The following PHACTR3 variants were observed in gnomAD, a reference collection of about 807,000 sequenced individuals.
PHACTR3 encodes the protein protein phosphatase 1, regulatory subunit 123.
Under a neutral mutation model 66.8 loss-of-function variants are expected in PHACTR3, and 16 were observed. The ratio of observed to expected loss-of-function variants is 0.24; its 90% confidence interval spans 0.16 to 0.36. The LOEUF (loss-of-function observed/expected upper bound fraction) is 0.36, where lower values mean the gene tolerates loss of function less well. PHACTR3 is among the 10% of genes least tolerant of loss of function. The pLI is 1.00. For synonymous variants in PHACTR3, 323 were observed against 292.1 expected (o/e 1.11, Z -1.08); for missense variants, 647 against 719.9 (o/e 0.90, Z 1.16).
intron 8 of PHACTR3, among the ~76,000 whole-genome samples, chr20:59,815,090 C>A (rs1214657252): frequency 6.6e-6 from 1 of 152,138 alleles, no homozygotes; most frequent in Non-Finnish European, 1.5e-5. Flanking sequence ...GTTCAGGGAA[C>A]CCTCGACTCG....
At position 59,773,427 on chromosome 20, in the gene PHACTR3, G is replaced by A. The variant is rs149640035; in HGVS notation, c.900G>A (p.Ala300=). The A allele has an allele frequency of 1.2e-3, 1,865 of 1,612,940 alleles. 8 individuals carry two copies. The African/African-American group carries it at 0.013, about 11-fold the overall frequency. Residue 300 remains alanine (A), a synonymous_variant, in exon 6 of 13, where the codon GCG becomes GCA. Transcript: ENST00000371015. ...GCGTCATTGAGGAGCTGCACAGGGC[G>A]CTGGCCACGAAGCACCGCCAGGACA... ...PSRVIEELHR[A]LATKHRQDSF...
At chr20:59,728,084 G>T (rs2038629323) in intron 1 of PHACTR3, among the ~76,000 whole-genome samples, 1 of 152,208 alleles carries the variant, frequency 6.6e-6, no homozygotes, top group African/African-American at 2.4e-5. Context: ...GTGGCATTTA[G>T]TACATTCATG....
chr20:59,758,766 T>A (rs947223132), intron 4 of PHACTR3, among the ~76,000 whole-genome samples: 1 of 152,128 alleles, frequency 6.6e-6, no homozygotes, highest in African/African-American at 2.4e-5. Context: ...CCGACCTGGG[T>A]TTGAGACACA....
intron 1 of PHACTR3, among the ~76,000 whole-genome samples, chr20:59,641,010 A>G (rs951523102): frequency 5.9e-5 from 9 of 152,190 alleles, no homozygotes; most frequent in South Asian, 4.1e-4. Context: ...ACATAGATAT[A>G]TGGGGAGAAG....
intron 1 of PHACTR3, among the ~76,000 whole-genome samples, chr20:59,717,839 A>T (rs1275888378): frequency 6.6e-6 from 1 of 152,230 alleles, no homozygotes; most frequent in Non-Finnish European, 1.5e-5. Context: ...AAGGCACTTA[A>T]ATCTTTGATG....
chr20:59,591,336 C>A (rs151207322), intron 1 of PHACTR3, among the ~76,000 whole-genome samples: 2 of 152,184 alleles, frequency 1.3e-5, no homozygotes, highest in Admixed American at 6.5e-5. Context: ...CAGTGGCTCC[C>A]GTCAGCATCC....
intron 1 of PHACTR3, among the ~76,000 whole-genome samples, chr20:59,588,437 G>A (rs764546758): frequency 1.3e-5 from 2 of 152,114 alleles, no homozygotes; most frequent in Non-Finnish European, 2.9e-5. Flanking sequence ...CTCTGCTGTC[G>A]TCCACTTTAT....
At chr20:59,740,509 C>G (rs995625701) in intron 1 of PHACTR3, among the ~76,000 whole-genome samples, 5 of 151,238 alleles carry the variant, frequency 3.3e-5, no homozygotes, top group Non-Finnish European at 5.9e-5. Flanking sequence ...GTTACCCAGG[C>G]TGGTCTCAAA....
intron 1 of PHACTR3, among the ~76,000 whole-genome samples, chr20:59,666,534 C>G (rs1241792319): frequency 7.0e-6 from 1 of 143,296 alleles, no homozygotes; most frequent in Admixed American, 7.0e-5. Context: ...GAGACAGAGA[C>G]AGAGGTAGAG....
At chr20:59,663,396 G>T (rs1477299987) in intron 1 of PHACTR3, among the ~76,000 whole-genome samples, 1 of 152,220 alleles carries the variant, frequency 6.6e-6, no homozygotes, top group Non-Finnish European at 1.5e-5. Context: ...CCAGCAGAAG[G>T]ACATCAGGGC....
chr20:59,728,344 G>A (rs2038638383), intron 1 of PHACTR3, among the ~76,000 whole-genome samples: 2 of 152,028 alleles, frequency 1.3e-5, no homozygotes, highest in African/African-American at 4.8e-5. Context: ...ACAATTGGGT[G>A]GTTCTTGGAA....
intron 8 of PHACTR3, among the ~76,000 whole-genome samples, chr20:59,810,416 G>C (rs776023447): frequency 6.6e-6 from 1 of 152,212 alleles, no homozygotes. Context: ...AAACAGCAGC[G>C]GAGTAGCAGC....
At chr20:59,656,243 A>G (rs1366500614) in intron 1 of PHACTR3, among the ~76,000 whole-genome samples, 10 of 151,864 alleles carry the variant, frequency 6.6e-5, no homozygotes, top group Admixed American at 6.6e-4. Flanking sequence ...TGAAAGTGGG[A>G]TATTGAAGTC....
At chr20:59,834,335 C>CT (rs1305935821) in intron 8 of PHACTR3, among the ~76,000 whole-genome samples, 1 of 152,182 alleles carries the variant, frequency 6.6e-6, no homozygotes, top group East Asian at 1.9e-4. Context: ...CTATGGTGGT[C>CT]TGCCCCACCA....
At chr20:59,658,680 C>A (rs1213549754) in intron 1 of PHACTR3, among the ~76,000 whole-genome samples, 1 of 152,198 alleles carries the variant, frequency 6.6e-6, no homozygotes, top group Non-Finnish European at 1.5e-5. Flanking sequence ...CTGTTGGTAT[C>A]ATACCAAGCT....
At chr20:59,678,822 C>T (rs1232954877) in intron 1 of PHACTR3, among the ~76,000 whole-genome samples, 3 of 152,106 alleles carry the variant, frequency 2.0e-5, no homozygotes, top group Non-Finnish European at 4.4e-5. Flanking sequence ...GGTAGGCACT[C>T]CTCCTCCTTC....
At chr20:59,603,758 C>T (rs1471201452), upstream of PHACTR3, 1 of 152,614 alleles carries the variant, frequency 6.6e-6, no homozygotes, top group Non-Finnish European at 1.5e-5. Context: ...GTTGAAATGC[C>T]TCCTCCTCTG....
chr20:59,586,634 T>C (rs542172446), intron 1 of PHACTR3, among the ~76,000 whole-genome samples: 25 of 152,230 alleles, frequency 1.6e-4, no homozygotes, highest in Non-Finnish European at 2.9e-4. Flanking sequence ...TGGTCACGGG[T>C]GAAAGTGCAG....
intron 1 of PHACTR3, 30 bp downstream of exon 1, chr20:59,605,162 G>A (rs2146332148): frequency 2.2e-6 from 2 of 923,112 alleles, no homozygotes; most frequent in South Asian, 2.9e-5. Context: ...CGGCGGGCGG[G>A]TCGGGGAGGC....
Sources: allele counts gnomAD v4.1 joint callset (sites outside exome capture counted in the v4.1 genomes callset), GRCh38; gene constraint gnomAD v4.1.1; transcripts MANE v1.5; gene names NCBI Gene and HGNC (gene_info 2026-07-23, HGNC 2026-07-21).